The following SNTG1 variants were observed in gnomAD, a reference collection of about 807,000 sequenced individuals.
SNTG1 encodes syntrophin gamma 1, also known as gamma-1-syntrophin.
In SNTG1, 39 loss-of-function variants were observed where a neutral mutation model predicts 74.7. The observed-to-expected ratio is 0.52, with a 90% CI of 0.40 to 0.68. SNTG1 has a LOEUF of 0.68. Ranked by LOEUF, SNTG1 falls within the 30% of genes least tolerant of loss-of-function variation. The pLI, the probability that SNTG1 is intolerant of heterozygous loss-of-function variation, is 0.00. For missense variants in SNTG1, 685 were observed against 609.5 expected, an observed-to-expected ratio of 1.12 and a Z score of -1.30; for synonymous variants, 254 against 217.1, an observed-to-expected ratio of 1.17 and a Z score of -1.49.
At chr8:50,712,640 T>A (rs186674976) in intron 17 of SNTG1, among the ~76,000 whole-genome samples, 1 of 152,214 alleles carries the variant, frequency 6.6e-6, no homozygotes, top group East Asian at 1.9e-4. Context: ...TTTGACCTAA[T>A]GTTATCCCTC....
At chr8:50,443,739 T>C (rs990370459) in intron 5 of SNTG1, among the ~76,000 whole-genome samples, 1 of 152,228 alleles carries the variant, frequency 6.6e-6, no homozygotes, top group African/African-American at 2.4e-5. Context: ...TTAATAACTA[T>C]GCTTAGAACT....
chr8:50,512,935 C>G (rs1057451381), intron 9 of SNTG1, among the ~76,000 whole-genome samples: 1 of 152,182 alleles, frequency 6.6e-6, no homozygotes, highest in Non-Finnish European at 1.5e-5. Flanking sequence ...CATTCTCAAT[C>G]CAGCTTTGTT....
At chr8:50,082,238 CTT>C (rs1186496026) in intron 1 of SNTG1, among the ~76,000 whole-genome samples, 2 of 152,070 alleles carry the variant, frequency 1.3e-5, no homozygotes, top group East Asian at 3.9e-4. Context: ...GCCTTGAAGT[CTT>C]TGCTGAATTC....
At chr8:50,146,311 A>T (rs2081863104) in intron 1 of SNTG1, among the ~76,000 whole-genome samples, 1 of 152,138 alleles carries the variant, frequency 6.6e-6, no homozygotes, top group South Asian at 2.1e-4. Context: ...TGAGGTCAGG[A>T]GTTCGCGACC....
intron 18 of SNTG1, among the ~76,000 whole-genome samples, chr8:50,788,055 G>A (rs1212957799): frequency 1.3e-5 from 2 of 152,068 alleles, no homozygotes; most frequent in Non-Finnish European, 2.9e-5. Context: ...GGGATGTCAA[G>A]CCAGGGAACA....
chr8:50,621,925 C>T lies in SNTG1; in HGVS notation c.849+31008C>T, dbSNP rs571468270. 2.0e-5 allele frequency among the ~76,000 whole-genome samples: 3 copies of T among 152,278 alleles called. No individual in the cohort carries two copies. The East Asian group carries it at 5.8e-4, about 29-fold the overall frequency. ...ATATCTCTGATTTCATACCCAGATG[C>T]TTTCTGTCTTCTTTCCTCTGCTCCA... On this transcript the variant is annotated intron_variant, in intron 13 of 18. Transcript: ENST00000642720.
chr8:49,912,618 G>A (rs1162795076), intron 1 of SNTG1, among the ~76,000 whole-genome samples: 2 of 152,136 alleles, frequency 1.3e-5, no homozygotes, highest in African/African-American at 4.8e-5. Flanking sequence ...AAAATAGAGA[G>A]GGTTTAACCA....
intron 13 of SNTG1, among the ~76,000 whole-genome samples, chr8:50,601,612 T>C (rs1030299577): frequency 6.6e-6 from 1 of 152,216 alleles, no homozygotes; most frequent in African/African-American, 2.4e-5. Context: ...TTGGATGAAA[T>C]ATTCTGTAAA....
At chr8:50,459,494 C>T (rs182545752) in intron 8 of SNTG1, among the ~76,000 whole-genome samples, 3 of 151,008 alleles carry the variant, frequency 2.0e-5, no homozygotes, top group East Asian at 2.0e-4. Flanking sequence ...TGAAATATAC[C>T]CTTTTTATGC....
At chr8:50,231,926 A>C (rs2085649691) in intron 2 of SNTG1, among the ~76,000 whole-genome samples, 1 of 151,392 alleles carries the variant, frequency 6.6e-6, no homozygotes, top group African/African-American at 2.4e-5. Context: ...ATTTAGCTTA[A>C]TTTAGTCATT....
intron 5 of SNTG1, among the ~76,000 whole-genome samples, chr8:50,447,369 T>C (rs1352507220): frequency 6.6e-6 from 1 of 152,186 alleles, no homozygotes; most frequent in Non-Finnish European, 1.5e-5. Context: ...AGCAAAATCA[T>C]TGTTGTTCCC....
chr8:49,999,999 A>G (rs527492874), intron 1 of SNTG1, among the ~76,000 whole-genome samples: 9 of 152,252 alleles, frequency 5.9e-5, no homozygotes, highest in Admixed American at 1.3e-4. Context: ...TGTATCTGGT[A>G]TTGACTTGCA....
chr8:50,004,785 G>T (rs1815060017), intron 1 of SNTG1, among the ~76,000 whole-genome samples: 1 of 152,160 alleles, frequency 6.6e-6, no homozygotes, highest in Admixed American at 6.5e-5. Flanking sequence ...CTTTGAGAGA[G>T]AAGAAGCACC....
chr8:50,315,071 G>T (rs2090265188), intron 2 of SNTG1, among the ~76,000 whole-genome samples: 1 of 149,548 alleles, frequency 6.7e-6, no homozygotes, highest in African/African-American at 2.5e-5. Flanking sequence ...CGAATGGATT[G>T]CCTTATTTTA....
At chr8:50,288,017 T>C (rs780390570) in intron 2 of SNTG1, among the ~76,000 whole-genome samples, 1 of 152,130 alleles carries the variant, frequency 6.6e-6, no homozygotes, top group Non-Finnish European at 1.5e-5. Context: ...CCTCCAAATA[T>C]GGCATTTATA....
chr8:50,559,131 C>T (rs1171119031), intron 12 of SNTG1, among the ~76,000 whole-genome samples: 2 of 151,980 alleles, frequency 1.3e-5, no homozygotes, highest in Non-Finnish European at 2.9e-5. Flanking sequence ...CAGATAGAGG[C>T]TTGGAGATGT....
At chr8:50,514,023 G>T (rs1585532900) in intron 9 of SNTG1, among the ~76,000 whole-genome samples, 1 of 152,194 alleles carries the variant, frequency 6.6e-6, no homozygotes, top group East Asian at 1.9e-4. Context: ...GGGAGCTGTA[G>T]ACTGGAGCTG....
chr8:50,682,121 A>C (rs958702144), intron 15 of SNTG1, among the ~76,000 whole-genome samples: 1 of 152,206 alleles, frequency 6.6e-6, no homozygotes, highest in Non-Finnish European at 1.5e-5. Flanking sequence ...TCGGCAAGAC[A>C]ATCTTTACTT....
At chr8:50,070,246 A>G (rs1821249044) in intron 1 of SNTG1, among the ~76,000 whole-genome samples, 1 of 152,176 alleles carries the variant, frequency 6.6e-6, no homozygotes, top group Non-Finnish European at 1.5e-5. Flanking sequence ...GAAAAAATAA[A>G]CATTATGTGA....
Sources: allele counts gnomAD v4.1 joint callset (sites outside exome capture counted in the v4.1 genomes callset), GRCh38; gene constraint gnomAD v4.1.1; transcripts MANE v1.5; gene names NCBI Gene and HGNC (gene_info 2026-07-23, HGNC 2026-07-21).